SOX5: variants seen among roughly 807,000 people sequenced by gnomAD.
SOX5 encodes SRY-box transcription factor 5.
In SOX5, 9 loss-of-function variants were observed where a neutral mutation model predicts 92.0. The observed-to-expected ratio is 0.10, with a 90% CI of 0.06 to 0.17. The LOEUF is 0.17. Among genes scored for constraint, SOX5 ranks in the 10% least tolerant of loss-of-function variants. SOX5 has a pLI of 1.00. For synonymous variants in SOX5, 344 were observed against 336.3 expected (o/e 1.02, Z -0.25); for missense variants, 642 against 944.5 (o/e 0.68, Z 4.20).
chr12:23,771,672 G>A (rs895144904), intron 3 of SOX5, among the ~76,000 whole-genome samples: 1 of 152,070 alleles, frequency 6.6e-6, no homozygotes, highest in Non-Finnish European at 1.5e-5. Context: ...CCATTAAAAA[G>A]GTTAATACAG....
chr12:23,569,198 A>G (rs1192280056), intron 10 of SOX5, among the ~76,000 whole-genome samples: 1 of 152,196 alleles, frequency 6.6e-6, no homozygotes, highest in Non-Finnish European at 1.5e-5. Flanking sequence ...TCTAAAGACA[A>G]AAATAAAAAT....
chr12:23,985,217 T>C (rs114420106), intron 4 of SOX5, among the ~76,000 whole-genome samples: 1,801 of 148,986 alleles, frequency 0.012, 39 homozygotes, highest in African/African-American at 0.042. Flanking sequence ...ATTAGGTTTT[T>C]ATTGTATTTT....
intron 3 of SOX5, chr12:24,227,431 C>T (rs1962316758): frequency 6.6e-6 from 1 of 152,128 alleles, no homozygotes; most frequent in South Asian, 2.1e-4. Context: ...TTTCCTTTTA[C>T]CCTTGAAGTG....
At chr12:23,595,064 C>T (rs1374457397) in intron 9 of SOX5, among the ~76,000 whole-genome samples, 2 of 152,138 alleles carry the variant, frequency 1.3e-5, no homozygotes, top group Non-Finnish European at 2.9e-5. Flanking sequence ...TCGCTTCTCC[C>T]CATTACACTG....
intron 3 of SOX5, among the ~76,000 whole-genome samples, chr12:24,231,643 G>A (rs536920895): frequency 2.6e-5 from 4 of 152,280 alleles, no homozygotes; most frequent in South Asian, 2.1e-4. Context: ...TCCTCACCAC[G>A]TTTTGTGATT....
chr12:24,494,402 A>G (rs1947402015), intron 1 of SOX5, among the ~76,000 whole-genome samples: 1 of 152,258 alleles, frequency 6.6e-6, no homozygotes, highest in Admixed American at 6.5e-5. Flanking sequence ...AATACCTTTG[A>G]AAATTTCAAA....
chr12:23,994,129 CAAAAT>C (rs1244154442), intron 4 of SOX5, among the ~76,000 whole-genome samples: 7 of 151,072 alleles, frequency 4.6e-5, no homozygotes, highest in African/African-American at 1.7e-4. Flanking sequence ...TCTCCAAAAA[CAAAAT>C]AAAACAAAAA....
At chr12:23,702,317 T>C (rs1258384003) in intron 6 of SOX5, among the ~76,000 whole-genome samples, 2 of 152,070 alleles carry the variant, frequency 1.3e-5, no homozygotes, top group East Asian at 1.9e-4. Context: ...TATGCCTAAG[T>C]ATATATTCAT....
chr12:23,851,485 A>G (rs1019961332), intron 2 of SOX5, among the ~76,000 whole-genome samples: 1 of 152,194 alleles, frequency 6.6e-6, no homozygotes, highest in Non-Finnish European at 1.5e-5. Flanking sequence ...CGTTAAGATT[A>G]TCAAATTAAA....
intron 4 of SOX5, among the ~76,000 whole-genome samples, chr12:24,205,549 C>G (rs1957939032): frequency 2.0e-5 from 3 of 152,174 alleles, no homozygotes; most frequent in Admixed American, 1.3e-4. Flanking sequence ...GAACTGATGT[C>G]TGTCTCATTC....
At chr12:23,991,749 GTT>G (rs34581177) in intron 4 of SOX5, among the ~76,000 whole-genome samples, 54 of 144,310 alleles carry the variant, frequency 3.7e-4, no homozygotes, top group South Asian at 8.8e-4. Flanking sequence ...AATACAGGAG[GTT>G]TTTTTTTTTT....
intron 8 of SOX5, among the ~76,000 whole-genome samples, chr12:23,632,497 C>T (rs1275289740): frequency 6.6e-6 from 1 of 152,068 alleles, no homozygotes; most frequent in Non-Finnish European, 1.5e-5. Flanking sequence ...GTTATTACTT[C>T]CTTATTGATT....
In SOX5 at chr12:23,904,593, G is replaced by C. The variant is rs528835036; in HGVS notation, c.39-8569C>G. Among the ~76,000 whole-genome samples the C allele has an allele frequency of 2.6e-5, 4 of 152,108 alleles. No homozygotes were observed. In the South Asian group the frequency reaches 8.3e-4, roughly 32 times the overall value. Reference sequence around the variant, plus strand: ...TTACTTATGAATAAATTAATATTCTGTATTTAAATATAATCTGAGTTTATA... The same window carrying C: ...TTACTTATGAATAAATTAATATTCTCTATTTAAATATAATCTGAGTTTATA... On this transcript the variant is annotated intron_variant, in intron 1 of 14. Transcript: ENST00000451604.
intron 2 of SOX5, among the ~76,000 whole-genome samples, chr12:24,349,853 C>T (rs1442352333): frequency 6.6e-6 from 1 of 152,194 alleles, no homozygotes; most frequent in Non-Finnish European, 1.5e-5. Flanking sequence ...CTTTGAGGGA[C>T]TGCTGTACTG....
intron 4 of SOX5, among the ~76,000 whole-genome samples, chr12:23,977,905 T>C (rs1355157642): frequency 6.6e-6 from 1 of 152,184 alleles, no homozygotes; most frequent in African/African-American, 2.4e-5. Context: ...GCTGGCCTGG[T>C]TAGGCAAACA....
At chr12:24,259,446 T>G (rs1565772923) in intron 3 of SOX5, among the ~76,000 whole-genome samples, 1 of 152,354 alleles carries the variant, frequency 6.6e-6, no homozygotes, top group East Asian at 1.9e-4. Flanking sequence ...TAGACTGTGC[T>G]ATGTATGTAA....
chr12:23,869,237 C>G (rs766566727), intron 2 of SOX5, among the ~76,000 whole-genome samples: 3 of 152,092 alleles, frequency 2.0e-5, no homozygotes, highest in Non-Finnish European at 2.9e-5. Flanking sequence ...ATTAACTTGC[C>G]TAGTGTTCCA....
chr12:23,872,829 G>A (rs1051714961), intron 2 of SOX5, among the ~76,000 whole-genome samples: 1 of 152,186 alleles, frequency 6.6e-6, no homozygotes, highest in Non-Finnish European at 1.5e-5. Flanking sequence ...GCAAGAAAAG[G>A]AGGCAGCAAC....
At chr12:23,795,428 T>C (rs2095545479) in intron 3 of SOX5, among the ~76,000 whole-genome samples, 2 of 152,270 alleles carry the variant, frequency 1.3e-5, no homozygotes, top group South Asian at 2.1e-4. Flanking sequence ...ACCTCAACTA[T>C]GTTCCTCAAA....
Sources: allele counts gnomAD v4.1 joint callset (sites outside exome capture counted in the v4.1 genomes callset), GRCh38; gene constraint gnomAD v4.1.1; transcripts MANE v1.5; gene names NCBI Gene and HGNC (gene_info 2026-07-23, HGNC 2026-07-21).